The following ATP6V0E1 variants were observed in gnomAD, a reference collection of about 807,000 sequenced individuals.
The protein encoded by ATP6V0E1 is ATPase H+ transporting V0 subunit e1, also known as V-type proton ATPase subunit e 1.
A neutral mutation model predicts 11.6 loss-of-function variants in ATP6V0E1; 4 were observed. The observed-to-expected ratio is 0.35, with a 90% CI of 0.17 to 0.79. The LOEUF is 0.79. Ranked by LOEUF, ATP6V0E1 falls within the 30% of genes least tolerant of loss-of-function variation. The probability of loss-of-function intolerance (pLI) is 0.54; values close to 1 mark genes in which losing one functional copy is unlikely to be tolerated. For synonymous variants in ATP6V0E1, 36 were observed against 34.8 expected (o/e 1.04, Z -0.13); for missense variants, 105 against 100.0 (o/e 1.05, Z -0.21).
In ATP6V0E1 at chr5:173,020,268, C is replaced by T. The variant is rs140462911; in HGVS notation, c.183C>T (p.Asn61=). 145 of 1,613,958 alleles carry T rather than the reference C, an allele frequency of 9.0e-5. No homozygotes were observed. In the African/African-American group the frequency reaches 1.8e-3, roughly 20 times the overall value. Residue 61 remains asparagine (N), a synonymous_variant, in exon 3 of 4, where the codon AAC becomes AAT. Transcript: ENST00000519374. ...TGATTGCAATTCTGGCCCAACTCAA[C>T]CCTCTCTTTGGACCGCAATTGAAAA... ...FWLIAILAQL[N]PLFGPQLKNE... is the part of the protein sequence containing the mutation.
At chr5:173,026,846 C>T (rs1209735175) in intron 3 of ATP6V0E1, among the ~76,000 whole-genome samples, 1 of 152,158 alleles carries the variant, frequency 6.6e-6, no homozygotes, top group East Asian at 1.9e-4. Context: ...GTTGCATTGT[C>T]TTCCATAGAG....
chr5:173,032,249 T>TTTTATTTTATTTTATTTA (rs1206831982), intron 3 of ATP6V0E1, among the ~76,000 whole-genome samples: 1 of 132,256 alleles, frequency 7.6e-6, no homozygotes, highest in African/African-American at 2.9e-5. Context: ...TTTTATTTTA[T>TTTTATTTTATTTTATTTA]TTTATTTATT....
chr5:172,984,105 C>T (rs1277626926), intron 1 of ATP6V0E1, 141 bp downstream of exon 1: 20 of 778,748 alleles, frequency 2.6e-5, no homozygotes, highest in Non-Finnish European at 4.2e-5. Flanking sequence ...CCCGACCCGG[C>T]GGAACTCCTT....
At chr5:173,012,302 G>C (rs373632483) in intron 2 of ATP6V0E1, among the ~76,000 whole-genome samples, 1 of 151,392 alleles carries the variant, frequency 6.6e-6, no homozygotes, top group South Asian at 2.1e-4. Flanking sequence ...GAGTTTTCTT[G>C]AACTGTGGTT....
At chr5:173,011,095 C>T (rs1756317643) in intron 2 of ATP6V0E1, among the ~76,000 whole-genome samples, 1 of 151,874 alleles carries the variant, frequency 6.6e-6, no homozygotes, top group Admixed American at 6.6e-5. Flanking sequence ...ATCTCCTTTT[C>T]GCATCCTCAG....
chr5:173,029,255 T>C (rs1432450437), intron 3 of ATP6V0E1, among the ~76,000 whole-genome samples: 1 of 152,172 alleles, frequency 6.6e-6, no homozygotes, highest in Non-Finnish European at 1.5e-5. Context: ...CAAGGTGTCG[T>C]GTGGTTAAAA....
At chr5:172,996,345 G>A (rs1386765845) in intron 2 of ATP6V0E1, among the ~76,000 whole-genome samples, 6 of 151,968 alleles carry the variant, frequency 3.9e-5, no homozygotes, top group Non-Finnish European at 8.8e-5. Flanking sequence ...GGATCACCAG[G>A]TCAGGATATT....
At chr5:173,032,249 TTTTATTTATTTATTTA>T (rs1205061181) in intron 3 of ATP6V0E1, among the ~76,000 whole-genome samples, 45 of 132,282 alleles carry the variant, frequency 3.4e-4, no homozygotes, top group Middle Eastern at 4.0e-3. Context: ...TTTTATTTTA[TTTTATTTATTTATTTA>T]TTTATTTATT....
chr5:172,983,994 A>G (rs761851899), intron 1 of ATP6V0E1, 30 bp downstream of exon 1: 1 of 1,603,588 alleles, frequency 6.2e-7, no homozygotes, highest in East Asian at 2.2e-5. Flanking sequence ...CTTGGGAGGA[A>G]CGGGCGGTGA....
intron 3 of ATP6V0E1, among the ~76,000 whole-genome samples, chr5:173,024,644 A>G (rs1427687623): frequency 6.6e-6 from 1 of 152,074 alleles, no homozygotes; most frequent in African/African-American, 2.4e-5. Flanking sequence ...TGGAAATGGC[A>G]TTTAAGAATC....
At chr5:173,025,555 G>GGCTGGAGT (rs1249517447) in intron 3 of ATP6V0E1, among the ~76,000 whole-genome samples, 1 of 120,712 alleles carries the variant, frequency 8.3e-6, no homozygotes, top group East Asian at 2.4e-4. Flanking sequence ...CTGTCACCCA[G>GGCTGGAGT]GCTGGAGTGC....
chr5:172,995,949 C>CT (rs1561768822), intron 2 of ATP6V0E1, among the ~76,000 whole-genome samples: 1 of 152,098 alleles, frequency 6.6e-6, no homozygotes, highest in Non-Finnish European at 1.5e-5. Flanking sequence ...CAGTGATTCT[C>CT]TTTTTTTGAA....
intron 3 of ATP6V0E1, among the ~76,000 whole-genome samples, chr5:173,023,967 C>T (rs906167966): frequency 6.6e-6 from 1 of 151,888 alleles, no homozygotes; most frequent in Non-Finnish European, 1.5e-5. Context: ...GGAGGCAAGG[C>T]GAGTGGGTCA....
intron 3 of ATP6V0E1, 79 bp from the exon 4 acceptor site, chr5:173,034,320 G>T: frequency 1.4e-6 from 1 of 696,294 alleles, no homozygotes; most frequent in Non-Finnish European, 2.6e-6. Flanking sequence ...TGTTGGCTTG[G>T]TTAACTTTCT....
At chr5:173,020,897 G>T in intron 3 of ATP6V0E1, 1 of 519,908 alleles carries the variant, frequency 1.9e-6, no homozygotes, top group South Asian at 1.4e-5. Context: ...CATTCACTTT[G>T]GCTGCTTAGT....
chr5:172,984,046 C>T, intron 1 of ATP6V0E1, 82 bp downstream of exon 1: 13 of 1,364,378 alleles, frequency 9.5e-6, no homozygotes, highest in South Asian at 1.2e-5. Flanking sequence ...GACCCCCACA[C>T]GGGTCAGAGA....
intron 2 of ATP6V0E1, among the ~76,000 whole-genome samples, chr5:173,016,635 C>T (rs565808515): frequency 6.6e-6 from 1 of 152,286 alleles, no homozygotes; most frequent in East Asian, 1.9e-4. Flanking sequence ...GTCTCAGTCT[C>T]TTACGAAAGT....
rs59381222 is a variant in ATP6V0E1 at position 172,985,244 on chromosome 5, C to CAA, written c.104+1297_104+1298dup. On this transcript the variant is annotated intron_variant, in intron 1 of 3. Coordinates refer to ENST00000519374, the MANE Select transcript of ATP6V0E1 (RefSeq NM_003945.4). ...TGGGCGACAGAGCGAGACTCCGTCTCAAAAAAAAAAAAAAAAAAGAAAGAA... is the reference window on the plus strand; with the variant it reads ...TGGGCGACAGAGCGAGACTCCGTCTCAAAAAAAAAAAAAAAAAAAAGAAAGAA... Among the ~76,000 whole-genome samples, 16 of 89,420 alleles carry CAA rather than the reference C, an allele frequency of 1.8e-4. No homozygotes were observed. The South Asian group carries it at 1.8e-3, about 10-fold the overall frequency. The allele number at this position is 89,420 out of a possible 152,430, so 58.7% of individuals were successfully genotyped here. A position where few individuals can be genotyped will look rare whatever the true frequency, so the allele number is the denominator to read the frequency against.
At chr5:172,993,655 G>A (rs917621817) in intron 1 of ATP6V0E1, among the ~76,000 whole-genome samples, 1 of 149,106 alleles carries the variant, frequency 6.7e-6, no homozygotes, top group Non-Finnish European at 1.5e-5. Context: ...AGGAGTTCAA[G>A]TACAACCTGG....
Sources: gnomAD v4.1 joint callset for allele counts (sites outside exome capture counted in the v4.1 genomes callset) on GRCh38, gnomAD v4.1.1 for gene constraint, MANE v1.5 for transcripts, NCBI Gene and HGNC (gene_info 2026-07-23, HGNC 2026-07-21) for gene names.